TM9SF4: variants seen among roughly 807,000 people sequenced by gnomAD.
The protein encoded by TM9SF4 is transmembrane 9 superfamily member 4, also known as dinucleotide oxidase disulfide thiol exchanger 3 superfamily member 4.
A neutral mutation model predicts 90.4 loss-of-function variants in TM9SF4; 26 were observed. That is an observed-to-expected ratio of 0.29 (90% confidence interval 0.21 to 0.40). The LOEUF is 0.40. Among genes scored for constraint, TM9SF4 ranks in the 10% least tolerant of loss-of-function variants. The pLI is 1.00. For missense variants in TM9SF4, 549 were observed against 834.8 expected, an observed-to-expected ratio of 0.66 and a Z score of 4.22; for synonymous variants, 293 against 315.4, an observed-to-expected ratio of 0.93 and a Z score of 0.75.
intron 5 of TM9SF4, 73 bp from the exon 6 acceptor site, chr20:32,142,909 G>A: frequency 6.3e-7 from 1 of 1,578,644 alleles, no homozygotes; most frequent in South Asian, 1.1e-5. Flanking sequence ...TGCTGGGTGA[G>A]GCAAGGGCCC....
At chr20:32,114,409 C>T (rs1446756780) in intron 1 of TM9SF4, among the ~76,000 whole-genome samples, 1 of 152,210 alleles carries the variant, frequency 6.6e-6, no homozygotes, top group Non-Finnish European at 1.5e-5. Context: ...TAGTTCACTG[C>T]AGCCTCCACC....
intron 6 of TM9SF4, 80 bp from the exon 7 acceptor site, chr20:32,145,011 C>A: frequency 7.1e-7 from 1 of 1,403,854 alleles, no homozygotes; most frequent in Non-Finnish European, 1.0e-6. Flanking sequence ...GACAGGCAGC[C>A]TTGAGGGCAG....
rs139891092 is a variant in TM9SF4 at position 32,141,623 on chromosome 20, G to A, written c.356G>A (p.Arg119Gln). Reference sequence around the variant, plus strand: ...GTGACCCTGACAGTGGAGCAGAGCCGACTCGTGGCCGAGCGGATCACAGAA... The same window carrying A: ...GTGACCCTGACAGTGGAGCAGAGCCAACTCGTGGCCGAGCGGATCACAGAA... Reference protein sequence around the residue: ...KPVTLTVEQSRLVAERITEDY... With the variant: ...KPVTLTVEQSQLVAERITEDY... The change falls in exon 4 of 18, where the codon CGA becomes CAA. Residue 119 changes from arginine (R) to glutamine (Q), a missense_variant. By Grantham distance (43) the Arg-to-Gln change is conservative (BLOSUM62 1). Coordinates refer to ENST00000398022, the MANE Select transcript of TM9SF4 (RefSeq NM_014742.4). The A allele has an allele frequency of 1.5e-5, 25 of 1,614,052 alleles. No individual in the cohort carries two copies. The highest frequency in any genetic ancestry group is 8.3e-5 in the Admixed American group (5 of 60,008).
At chr20:32,132,361 G>C (rs1042804689) in intron 1 of TM9SF4, among the ~76,000 whole-genome samples, 8 of 151,978 alleles carry the variant, frequency 5.3e-5, no homozygotes, top group African/African-American at 1.7e-4. Flanking sequence ...CTGAGATCAT[G>C]CCATTGTACT....
At chr20:32,122,077 G>A (rs1315159129) in intron 1 of TM9SF4, among the ~76,000 whole-genome samples, 1 of 139,426 alleles carries the variant, frequency 7.2e-6, no homozygotes, top group Non-Finnish European at 1.5e-5. Flanking sequence ...CAGGCAGAGG[G>A]GCTCCTCACT....
At chr20:32,114,006 G>A (rs1329197640) in intron 1 of TM9SF4, among the ~76,000 whole-genome samples, 2 of 152,134 alleles carry the variant, frequency 1.3e-5, no homozygotes, top group Non-Finnish European at 2.9e-5. Context: ...CCTTTTTATG[G>A]CTGAATCTTC....
At position 32,160,113 on chromosome 20, in the gene TM9SF4, TGAG is replaced by T. The variant is rs1244496766; in HGVS notation, c.1689+6_1689+8del. On this transcript the variant is annotated splice_donor_5th_base_variant and intron_variant, in intron 16 of 17. Transcript: ENST00000398022. ...GTGTACTTCCAGCTGTGTGCAGAGG[TGAG>T]GAGAGCAGGGCCAGGAGGCGGGGGA... is the stretch of plus-strand genomic sequence containing the variant. The T allele has an allele frequency of 1.9e-6, 3 of 1,613,460 alleles. No individual in the cohort carries two copies. The highest frequency in any genetic ancestry group is 8.5e-7 in the Non-Finnish European group (1 of 1,179,916).
intron 13 of TM9SF4, 126 bp downstream of exon 13, chr20:32,155,312 C>A: frequency 2.4e-6 from 2 of 849,988 alleles, no homozygotes; most frequent in East Asian, 5.0e-5. Flanking sequence ...GTTACGTTCC[C>A]AGCCATGAGG....
intron 1 of TM9SF4, among the ~76,000 whole-genome samples, chr20:32,126,383 G>A (rs771278297): frequency 1.3e-5 from 2 of 152,116 alleles, no homozygotes; most frequent in Non-Finnish European, 2.9e-5. Context: ...TATATTACCT[G>A]CCAAAAACTC....
At chr20:32,111,056 A>ATTAT (rs2046135135) in intron 1 of TM9SF4, among the ~76,000 whole-genome samples, 1 of 152,194 alleles carries the variant, frequency 6.6e-6, no homozygotes, top group Non-Finnish European at 1.5e-5. Flanking sequence ...ACAGGGATAT[A>ATTAT]TTATTGACTG....
intron 16 of TM9SF4, 135 bp from the exon 17 acceptor site, chr20:32,161,141 C>A (rs898407722): frequency 1.9e-5 from 13 of 681,582 alleles, no homozygotes; most frequent in Admixed American, 1.2e-4. Context: ...CCATCACAGT[C>A]AAGCTGTGAA....
Position 32,143,015 on chromosome 20 carries a change from T to C in TM9SF4, c.562T>C (p.Tyr188His), listed in dbSNP as rs1356160798. ...GCACAACCACCTCTCATTCATCCTT[T>C]ACTATCATCGGGAGGACATGGAAGA... ...YLHNHLSFIL[Y>H]YHREDMEEDQ... The change falls in exon 6 of 18, where the codon TAC (tyrosine) becomes CAC (histidine). Residue 188 changes from tyrosine to histidine, a missense_variant. Tyr to His is a moderately conservative substitution (Grantham distance 83, BLOSUM62 2). Around this residue, in one of 2 missense-constraint regions of TM9SF4, gnomAD observed 495 missense variants for 711.7 expected, o/e 0.70. Transcript: ENST00000398022. 1.2e-6 allele frequency: 2 copies of C among 1,613,698 alleles called. No individual in the cohort carries two copies. The highest frequency in any genetic ancestry group is 1.3e-5 in the African/African-American group (1 of 74,920).
chr20:32,127,532 C>T (rs1016856309), intron 1 of TM9SF4, among the ~76,000 whole-genome samples: 2 of 152,116 alleles, frequency 1.3e-5, no homozygotes, highest in Admixed American at 6.5e-5. Flanking sequence ...AGAAGGAACC[C>T]GGTCTGTCAC....
intron 1 of TM9SF4, 132 bp from the exon 2 acceptor site, chr20:32,132,881 C>T (rs2046539970): frequency 7.1e-6 from 5 of 703,552 alleles, no homozygotes; most frequent in Non-Finnish European, 1.2e-5. Context: ...ATGAGGTCTT[C>T]AGGCTTCATG....
chr20:32,134,045 C>T (rs1569070930), intron 2 of TM9SF4, among the ~76,000 whole-genome samples: 1 of 151,020 alleles, frequency 6.6e-6, no homozygotes, highest in Non-Finnish European at 1.5e-5. Context: ...AACTCTTGGG[C>T]TCAAACAGTT....
At chr20:32,134,791 G>A (rs1489258888) in intron 2 of TM9SF4, among the ~76,000 whole-genome samples, 1 of 151,838 alleles carries the variant, frequency 6.6e-6, no homozygotes, top group Non-Finnish European at 1.5e-5. Context: ...TCCTGCCTCA[G>A]CCTCCTGAGT....
intron 14 of TM9SF4, 29 bp from the exon 15 acceptor site, chr20:32,158,422 A>G (rs1370710289): frequency 1.2e-6 from 2 of 1,613,650 alleles, no homozygotes; most frequent in African/African-American, 2.7e-5. Flanking sequence ...CCTGGTCTCT[A>G]ACAATGTCAA....
In TM9SF4 at chr20:32,133,023, C is replaced by G. The variant is rs775182121; in HGVS notation, c.26C>G (p.Pro9Arg). 2.5e-6 allele frequency: 4 copies of G among 1,614,106 alleles called. No homozygotes were observed. The highest frequency in any genetic ancestry group is 3.4e-6 in the Non-Finnish European group (4 of 1,179,988). The change falls in exon 2 of 18, where the codon CCG becomes CGG. Residue 9 changes from proline (P) to arginine (R), a missense_variant. Pro to Arg is a moderately radical substitution (Grantham distance 103). Transcript: ENST00000398022. MATAMDWL[P>R]WSLLLFSLMC... is the part of the protein sequence containing the mutation. ...CTCTCTTCTGAGCAGGATTGGTTGC[C>G]GTGGTCTTTACTGCTTTTCTCCCTG...
intron 1 of TM9SF4, 69 bp downstream of exon 1, chr20:32,109,824 C>G: frequency 6.5e-7 from 1 of 1,549,872 alleles, no homozygotes; most frequent in Non-Finnish European, 8.7e-7. Context: ...GATCTTCCAG[C>G]ACCCCATGCC....
Sources: allele counts gnomAD v4.1 joint callset (sites outside exome capture counted in the v4.1 genomes callset), GRCh38; gene constraint gnomAD v4.1.1; regional missense constraint gnomAD v4.1.1; transcripts MANE v1.5; gene names NCBI Gene and HGNC (gene_info 2026-07-23, HGNC 2026-07-21).